The following EPHA6 variants were observed in gnomAD, a reference collection of about 807,000 sequenced individuals.
EPHA6 encodes the protein EPH receptor A6.
In EPHA6, 50 loss-of-function variants were observed where a neutral mutation model predicts 112.0. The ratio of observed to expected loss-of-function variants is 0.45; its 90% CI spans 0.36 to 0.56. The LOEUF is 0.56. Ranked by LOEUF, EPHA6 falls within the 20% of genes least tolerant of loss-of-function variation. The probability of loss-of-function intolerance (pLI) is 0.00; values close to 1 mark genes in which losing one functional copy is unlikely to be tolerated. For missense variants in EPHA6, 1,280 were observed against 1,417.4 expected (o/e 0.90, Z 1.56); for synonymous variants, 529 against 490.7 (o/e 1.08, Z -1.03).
intron 13 of EPHA6, among the ~76,000 whole-genome samples, chr3:97,618,123 A>G (rs2093781789): frequency 6.6e-6 from 1 of 152,108 alleles, no homozygotes; most frequent in South Asian, 2.1e-4. Flanking sequence ...ACTAAGAAAT[A>G]CACTCAAAAC....
chr3:97,289,162 A>G (rs1322775341), intron 5 of EPHA6, among the ~76,000 whole-genome samples: 4 of 152,136 alleles, frequency 2.6e-5, no homozygotes, highest in South Asian at 2.1e-4. Flanking sequence ...CCCAAGGCCA[A>G]TGTCCAGAAT....
At chr3:97,321,212 A>G (rs2108783189) in intron 5 of EPHA6, among the ~76,000 whole-genome samples, 1 of 152,074 alleles carries the variant, frequency 6.6e-6, no homozygotes, top group Non-Finnish European at 1.5e-5. Flanking sequence ...TCAAGTTATC[A>G]TACTTATTTT....
chr3:97,169,268 T>G (rs1424369152), intron 3 of EPHA6, among the ~76,000 whole-genome samples: 1 of 152,188 alleles, frequency 6.6e-6, no homozygotes, highest in Non-Finnish European at 1.5e-5. Context: ...ACATTCAATG[T>G]AGCATCACAT....
chr3:97,002,081 C>G (rs1432866617), intron 3 of EPHA6, among the ~76,000 whole-genome samples: 1 of 151,840 alleles, frequency 6.6e-6, no homozygotes, highest in Admixed American at 6.6e-5. Flanking sequence ...TAAAAGTAAA[C>G]TACTCTTCAG....
chr3:97,581,618 A>G (rs955157847), intron 11 of EPHA6, among the ~76,000 whole-genome samples: 6 of 152,262 alleles, frequency 3.9e-5, no homozygotes, highest in Non-Finnish European at 1.5e-5. Flanking sequence ...ACTATTTTGT[A>G]TAATTGTCCT....
chr3:97,716,088 T>A (rs905181391), intron 14 of EPHA6, among the ~76,000 whole-genome samples: 1 of 152,228 alleles, frequency 6.6e-6, no homozygotes, highest in African/African-American at 2.4e-5. Flanking sequence ...CCAATAATTG[T>A]GATTTCAAAT....
intron 5 of EPHA6, among the ~76,000 whole-genome samples, chr3:97,299,176 G>A (rs1417228223): frequency 2.1e-5 from 3 of 144,858 alleles, no homozygotes; most frequent in Non-Finnish European, 4.4e-5. Context: ...TTGCACTGAT[G>A]ATCAGGATGT....
chr3:97,231,831 T>G (rs2078535051), intron 4 of EPHA6, among the ~76,000 whole-genome samples: 1 of 152,224 alleles, frequency 6.6e-6, no homozygotes, highest in Non-Finnish European at 1.5e-5. Flanking sequence ...TGGTGATGAC[T>G]TATAGTCGTT....
At chr3:97,662,484 GA>G (rs1166506104) in intron 14 of EPHA6, among the ~76,000 whole-genome samples, 20 of 152,230 alleles carry the variant, frequency 1.3e-4, no homozygotes, top group Admixed American at 4.6e-4. Flanking sequence ...CGTTCAGACT[GA>G]AGGCGACAAA....
At position 97,281,769 on chromosome 3, in the gene EPHA6, C is replaced by T. The variant is rs80044877; in HGVS notation, c.1606+37482C>T. Among the ~76,000 whole-genome samples, 35 of 152,206 alleles carry T rather than the reference C, an allele frequency of 2.3e-4. 1 individual carries two copies. The East Asian group carries it at 6.6e-3, about 29-fold the overall frequency. On this transcript the variant is annotated intron_variant, in intron 5 of 17. Transcript: ENST00000389672. ...GTAATTCTCACAACATGCCTAGGTA[C>T]AGTAACAGTTGTTATCCTCATTTCA...
chr3:97,541,980 C>T (rs1230556757), intron 11 of EPHA6, among the ~76,000 whole-genome samples: 1 of 151,746 alleles, frequency 6.6e-6, no homozygotes, highest in Non-Finnish European at 1.5e-5. Context: ...GAGAGCCAAT[C>T]TGAGTGGCAA....
At chr3:96,858,984 C>T (rs184055240) in intron 1 of EPHA6, among the ~76,000 whole-genome samples, 142 of 152,238 alleles carry the variant, frequency 9.3e-4, no homozygotes, top group Admixed American at 3.1e-3. Context: ...CTTTTTCCAT[C>T]GCAAACCAAG....
chr3:96,858,858 G>A (rs570325578), intron 1 of EPHA6, among the ~76,000 whole-genome samples: 1 of 152,042 alleles, frequency 6.6e-6, no homozygotes, highest in Non-Finnish European at 1.5e-5. Context: ...ACAAATGTGT[G>A]TTTTGTCATA....
intron 5 of EPHA6, among the ~76,000 whole-genome samples, chr3:97,356,710 G>A (rs191109425): frequency 7.9e-5 from 12 of 152,144 alleles, no homozygotes; most frequent in Non-Finnish European, 1.8e-4. Flanking sequence ...TTTAATTAGT[G>A]GCCTAACATG....
intron 5 of EPHA6, among the ~76,000 whole-genome samples, chr3:97,334,011 A>C (rs915972741): frequency 2.0e-5 from 3 of 152,068 alleles, no homozygotes; most frequent in Admixed American, 1.3e-4. Flanking sequence ...TTTTATCATA[A>C]GTGAGTGTTG....
intron 5 of EPHA6, among the ~76,000 whole-genome samples, chr3:97,400,823 T>C (rs1177427521): frequency 2.6e-5 from 4 of 151,750 alleles, no homozygotes; most frequent in African/African-American, 9.7e-5. Flanking sequence ...TGGTAGAGTC[T>C]GTAGAATTTT....
chr3:97,580,385 G>C (rs769394331), intron 11 of EPHA6, among the ~76,000 whole-genome samples: 21 of 152,174 alleles, frequency 1.4e-4, no homozygotes, highest in African/African-American at 4.3e-4. Flanking sequence ...ATAATCTAAT[G>C]ATACAGGGGT....
chr3:97,042,967 G>A (rs990610622), intron 3 of EPHA6, among the ~76,000 whole-genome samples: 3 of 152,142 alleles, frequency 2.0e-5, no homozygotes, highest in Non-Finnish European at 4.4e-5. Flanking sequence ...AGACTAGGTA[G>A]CAGAAAGGTA....
At chr3:97,595,246 T>C (rs2093577638) in intron 12 of EPHA6, among the ~76,000 whole-genome samples, 1 of 152,178 alleles carries the variant, frequency 6.6e-6, no homozygotes, top group Non-Finnish European at 1.5e-5. Flanking sequence ...TATTCTTAGT[T>C]TCAGATGGAG....
Sources: allele counts gnomAD v4.1 joint callset (sites outside exome capture counted in the v4.1 genomes callset), GRCh38; gene constraint gnomAD v4.1.1; transcripts MANE v1.5; gene names NCBI Gene and HGNC (gene_info 2026-07-23, HGNC 2026-07-21).